The following AFAP1 variants were observed in gnomAD, a reference collection of about 807,000 sequenced individuals.
The protein encoded by AFAP1 is actin filament associated protein 1, also known as actin filament-associated protein 1.
In AFAP1, 75 loss-of-function variants were observed where a neutral mutation model predicts 93.9. The observed-to-expected ratio is 0.80, with a 90% CI of 0.66 to 0.97. The LOEUF (loss-of-function observed/expected upper bound fraction) is 0.97, where lower values mean the gene tolerates loss of function less well. AFAP1 is among the 50% of genes least tolerant of loss of function. The pLI, the probability that AFAP1 is intolerant of heterozygous loss-of-function variation, is 0.00. For synonymous variants in AFAP1, 517 were observed against 430.7 expected, an observed-to-expected ratio of 1.20 and a Z score of -2.48; for missense variants, 1,201 against 1,050.8, an observed-to-expected ratio of 1.14 and a Z score of -1.98.
rs183946885 is a variant in AFAP1 at position 7,812,862 on chromosome 4, A to G, written c.905-3099T>C. On this transcript the variant is annotated intron_variant, in intron 8 of 17. Transcript: ENST00000420658. ...TTAATACTGTCAGACTATTTATTCA[A>G]TGACTTTTACCAACAGACACATTCA... 7.2e-5 allele frequency among the ~76,000 whole-genome samples: 11 copies of G among 152,312 alleles called. No homozygotes were observed. In the East Asian group the frequency reaches 1.7e-3, roughly 24 times the overall value.
chr4:7,786,124 T>A (rs555460211), intron 12 of AFAP1, 70 bp downstream of exon 12: 3 of 1,435,942 alleles, frequency 2.1e-6, no homozygotes, highest in East Asian at 4.6e-5. Flanking sequence ...CCAGGGGAAC[T>A]GAAGCACAGA....
intron 1 of AFAP1, among the ~76,000 whole-genome samples, chr4:7,879,182 C>CGTCT (rs1173707171): frequency 6.6e-6 from 1 of 152,186 alleles, no homozygotes; most frequent in Non-Finnish European, 1.5e-5. Flanking sequence ...TCACCTCTCC[C>CGTCT]GTCTGCACAG....
At position 7,871,224 on chromosome 4, in the gene AFAP1, A is replaced by AG. The variant is rs760809391; in HGVS notation, c.127+727dup. ...GCAGGCCCAAAGCTGCTCTCTCTAG[A>AG]GGGGCCTGCTGGCAAGGCTGGCCCT... On this transcript the variant is annotated intron_variant, in intron 2 of 17. Transcript: ENST00000420658. Among the ~76,000 whole-genome samples the AG allele has an allele frequency of 3.3e-5, 5 of 152,254 alleles. No individual in the cohort carries two copies. The South Asian group carries it at 1.0e-3, about 32-fold the overall frequency.
intron 3 of AFAP1, among the ~76,000 whole-genome samples, chr4:7,858,826 T>C (rs1280092286): frequency 1.3e-5 from 2 of 152,010 alleles, no homozygotes; most frequent in African/African-American, 4.8e-5. Flanking sequence ...GCTCTGAGAG[T>C]CCAATTCCAG....
chr4:7,793,159 AGC>A (rs540687059), intron 11 of AFAP1, among the ~76,000 whole-genome samples: 28 of 134,008 alleles, frequency 2.1e-4, no homozygotes, highest in Admixed American at 7.3e-4. Flanking sequence ...AGATGACTGC[AGC>A]ATTTTTTTTT....
chr4:7,815,948 C>A, intron 8 of AFAP1, 70 bp downstream of exon 8: 2 of 1,389,420 alleles, frequency 1.4e-6, no homozygotes, highest in Non-Finnish European at 2.0e-6. Context: ...ACTTTACAAA[C>A]CTGGCTGTAG....
intron 11 of AFAP1, among the ~76,000 whole-genome samples, chr4:7,789,318 C>A (rs999955031): frequency 6.6e-6 from 1 of 152,204 alleles, no homozygotes; most frequent in East Asian, 1.9e-4. Flanking sequence ...AGCTATTTCA[C>A]AATAACCTCC....
At chr4:7,833,807 C>A (rs1213104172) in intron 6 of AFAP1, among the ~76,000 whole-genome samples, 1 of 151,892 alleles carries the variant, frequency 6.6e-6, no homozygotes, top group Admixed American at 6.6e-5. Flanking sequence ...CCAGGATAGT[C>A]CCGATCTCCT....
At chr4:7,804,088 A>AC (rs1560169075) in intron 9 of AFAP1, among the ~76,000 whole-genome samples, 1 of 147,380 alleles carries the variant, frequency 6.8e-6, no homozygotes, top group African/African-American at 2.5e-5. Context: ...GGTCCTCTGG[A>AC]CCCCCCAATA....
At chr4:7,767,610 G>A (rs1220024385) in intron 17 of AFAP1, among the ~76,000 whole-genome samples, 2 of 152,104 alleles carry the variant, frequency 1.3e-5, no homozygotes, top group African/African-American at 2.4e-5. Flanking sequence ...GACACACACG[G>A]TCTTCAGTAC....
chr4:7,787,721 G>A (rs1319629724), intron 11 of AFAP1, among the ~76,000 whole-genome samples: 1 of 152,186 alleles, frequency 6.6e-6, no homozygotes, highest in African/African-American at 2.4e-5. Context: ...GGCAGGCCGG[G>A]CCACGCCAGC....
intron 1 of AFAP1, among the ~76,000 whole-genome samples, chr4:7,912,633 T>G (rs1475535572): frequency 6.6e-6 from 1 of 152,250 alleles, no homozygotes; most frequent in African/African-American, 2.4e-5. Flanking sequence ...ATGGTTTGGT[T>G]TTACTGCTAA....
intron 13 of AFAP1, among the ~76,000 whole-genome samples, chr4:7,780,821 T>C (rs1716688956): frequency 6.6e-6 from 1 of 152,136 alleles, no homozygotes. Flanking sequence ...TTTAGACTTG[T>C]CATGGAGAAA....
At position 7,781,443 on chromosome 4, in the gene AFAP1, G is replaced by C; in HGVS notation, c.1715C>G (p.Pro572Arg). The C allele has an allele frequency of 6.4e-7, 1 of 1,552,140 alleles. No homozygotes were observed. Among genetic ancestry groups the C allele is most frequent in the Non-Finnish European group, 8.7e-7 (1 of 1,147,080 alleles). ...ATTAGTGACAGACTGAGCGGAGGCA[G>C]GGTATTTGTAATGGTTAGAGGACAG... ...DKLSSNHYKY[P>R]ASAQSVTNTS... The change falls in exon 13 of 18, where the codon CCT (proline) becomes CGT (arginine). Residue 572 changes from proline to arginine, a missense_variant. By Grantham distance (103) the Pro-to-Arg change is moderately radical. Coordinates refer to ENST00000420658, the MANE Select transcript of AFAP1 (RefSeq NM_001134647.2).
chr4:7,933,483 G>T (rs1015529163), intron 1 of AFAP1, among the ~76,000 whole-genome samples: 1 of 152,148 alleles, frequency 6.6e-6, no homozygotes, highest in African/African-American at 2.4e-5. Context: ...TGAGGCAGGA[G>T]AATCACTTGA....
intron 17 of AFAP1, 88 bp downstream of exon 17, chr4:7,768,756 G>C (rs934685521): frequency 7.1e-7 from 1 of 1,410,654 alleles, no homozygotes; most frequent in Non-Finnish European, 9.4e-7. Context: ...GTAGGAAGAA[G>C]AATGGGCTCC....
Position 7,844,282 on chromosome 4 carries a change from A to AAG in AFAP1, c.335-934_335-933dup, listed in dbSNP as rs146569362. On this transcript the variant is annotated intron_variant, in intron 4 of 17. Coordinates refer to ENST00000420658, the MANE Select transcript of AFAP1 (RefSeq NM_001134647.2). ...CCCATAGGTCTGGTGGTCTTTTAAGAAGAGAGAGAGAGAGAGAGAGCTCTG... is the reference window on the plus strand; with the variant it reads ...CCCATAGGTCTGGTGGTCTTTTAAGAAGAGAGAGAGAGAGAGAGAGAGCTCTG... Among the ~76,000 whole-genome samples the AAG allele has an allele frequency of 9.9e-4, 148 of 148,980 alleles. 2 individuals carry two copies. The Middle Eastern group carries it at 0.011, about 11-fold the overall frequency.
intron 8 of AFAP1, among the ~76,000 whole-genome samples, chr4:7,813,431 G>A (rs1004370151): frequency 6.6e-6 from 1 of 152,220 alleles, no homozygotes; most frequent in African/African-American, 2.4e-5. Context: ...TTCTTGTTAA[G>A]AGGAAACAGG....
At chr4:7,910,865 C>T (rs974983413) in intron 1 of AFAP1, among the ~76,000 whole-genome samples, 1 of 152,196 alleles carries the variant, frequency 6.6e-6, no homozygotes, top group African/African-American at 2.4e-5. Flanking sequence ...ATTCCCACTG[C>T]GGTGAGGGCG....
Sources: gnomAD v4.1 joint callset for allele counts (sites outside exome capture counted in the v4.1 genomes callset) on GRCh38, gnomAD v4.1.1 for gene constraint, MANE v1.5 for transcripts, NCBI Gene and HGNC (gene_info 2026-07-23, HGNC 2026-07-21) for gene names.